HIGD1A: variants seen among roughly 807,000 people sequenced by gnomAD.
HIGD1A encodes HIG1 domain family member 1A, mitochondrial.
A neutral mutation model predicts 11.3 loss-of-function variants in HIGD1A; 8 were observed. That is an observed-to-expected ratio of 0.71 (90% confidence interval 0.42 to 1.28). The LOEUF (loss-of-function observed/expected upper bound fraction) is 1.28, where lower values mean the gene tolerates loss of function less well. HIGD1A is among the 50% of genes most tolerant of loss of function. The pLI is 0.01. For missense variants in HIGD1A, 107 were observed against 118.8 expected, an observed-to-expected ratio of 0.90 and a Z score of 0.46; for synonymous variants, 32 against 38.4, an observed-to-expected ratio of 0.83 and a Z score of 0.62.
chr3:42,804,273 C>A, intron 1 of HIGD1A, 163 bp downstream of exon 1: 1 of 1,477,396 alleles, frequency 6.8e-7, no homozygotes, highest in East Asian at 2.4e-5. Context: ...ATGCTCGAGG[C>A]CGGGCCTGAG....
chr3:42,787,008 G>A (rs1700360553), intron 2 of HIGD1A, among the ~76,000 whole-genome samples: 1 of 152,032 alleles, frequency 6.6e-6, no homozygotes. Flanking sequence ...GAGTCAAAAT[G>A]GACAGTTCAA....
At chr3:42,789,228 G>T (rs989793435) in intron 2 of HIGD1A, among the ~76,000 whole-genome samples, 4 of 151,916 alleles carry the variant, frequency 2.6e-5, no homozygotes, top group Non-Finnish European at 5.9e-5. Context: ...TTTTAGTAGA[G>T]ATGGGGTTTC....
chr3:42,794,719 G>C (rs1700473255), intron 1 of HIGD1A, among the ~76,000 whole-genome samples: 1 of 152,124 alleles, frequency 6.6e-6, no homozygotes, highest in Non-Finnish European at 1.5e-5. Flanking sequence ...GCACTTTTCG[G>C]TGTAGTTAAA....
At chr3:42,793,714 C>T (rs951373460) in intron 2 of HIGD1A, among the ~76,000 whole-genome samples, 1 of 152,184 alleles carries the variant, frequency 6.6e-6, no homozygotes, top group African/African-American at 2.4e-5. Flanking sequence ...GCAGCTCACG[C>T]CTATAATCCT....
intron 1 of HIGD1A, chr3:42,804,221 G>A (rs772604434): frequency 6.2e-6 from 10 of 1,605,826 alleles, no homozygotes; most frequent in Non-Finnish European, 7.7e-6. Context: ...CCCCTCACCC[G>A]AAGGACCCTA....
chr3:42,785,372 A>G, intron 3 of HIGD1A, 52 bp from the exon 4 acceptor site: 1 of 1,482,004 alleles, frequency 6.7e-7, no homozygotes, highest in Non-Finnish European at 9.4e-7. Context: ...TAAATATTCA[A>G]AAATAAAAAC....
chr3:42,786,439 A>C (rs1299192859), intron 2 of HIGD1A, among the ~76,000 whole-genome samples: 1 of 152,232 alleles, frequency 6.6e-6, no homozygotes, highest in Non-Finnish European at 1.5e-5. Flanking sequence ...ATTAACAGGA[A>C]CCTAGATTAT....
chr3:42,800,340 T>TAAA (rs1559678772), intron 1 of HIGD1A, among the ~76,000 whole-genome samples: 1 of 147,936 alleles, frequency 6.8e-6, no homozygotes. Flanking sequence ...TTTTAAAAAA[T>TAAA]AAAAGAAAAA....
At position 42,784,164 on chromosome 3, in the gene HIGD1A, A is replaced by C; in HGVS notation, c.*1107T>G. 1 of 152,168 alleles carries C rather than the reference A, an allele frequency of 6.6e-6. No homozygotes were observed. The highest frequency in any genetic ancestry group is 1.9e-4 in the East Asian group (1 of 5,198). 9.4% of individuals were successfully genotyped at this position (152,168 alleles called of 1,614,324 possible). The stretch of plus-strand genomic sequence containing the variant: ...AAAAATAAAACATACCATAAAGTAA[A>C]ATATTTTTAAAATCGTTGAAACAGA... On this transcript the variant is annotated 3_prime_UTR_variant, in exon 4 of 4. Transcript: ENST00000321331.
intron 2 of HIGD1A, 37 bp from the exon 3 acceptor site, chr3:42,786,199 G>GGGACC (rs763348185): frequency 6.2e-7 from 1 of 1,611,176 alleles, no homozygotes; most frequent in South Asian, 1.1e-5. Flanking sequence ...AGATGCATGA[G>GGGACC]AAGGGACCAA....
At chr3:42,796,222 G>A (rs1700496924) in intron 1 of HIGD1A, among the ~76,000 whole-genome samples, 1 of 152,140 alleles carries the variant, frequency 6.6e-6, no homozygotes, top group Non-Finnish European at 1.5e-5. Flanking sequence ...ACTGTCATCT[G>A]ACATAGAAGA....
At chr3:42,804,314 C>A (rs1232047222) in intron 1 of HIGD1A, 122 bp downstream of exon 1, 9 of 919,258 alleles carry the variant, frequency 9.8e-6, no homozygotes, top group Non-Finnish European at 1.5e-5. Context: ...CTCCCTCATT[C>A]GAGACACGGA....
At position 42,786,014 on chromosome 3, in the gene HIGD1A, C is replaced by A; in HGVS notation, c.232+14G>T. On this transcript the variant is annotated intron_variant, in intron 3 of 3. Coordinates refer to ENST00000321331, the MANE Select transcript of HIGD1A (RefSeq NM_014056.4). ...ATGAGAAACGAAAATTTGAAATTTC[C>A]TATAGGAACCTACCAACAGTCATTG... The A allele has an allele frequency of 6.2e-7, 1 of 1,611,440 alleles. No homozygotes were observed. Among genetic ancestry groups the A allele is most frequent in the Non-Finnish European group, 8.5e-7 (1 of 1,179,698 alleles).
rs374359510 is a variant in HIGD1A, at chr3:42,783,615, A to AAAAT, written c.*1652_*1655dup. On this transcript the variant is annotated 3_prime_UTR_variant, in exon 4 of 4. Coordinates refer to ENST00000321331, the MANE Select transcript of HIGD1A (RefSeq NM_014056.4). ...CAGCAACAGAGCAAGACTCTGTCTCAAAATAAACAAACAAACAAACAAACA... is the reference window on the plus strand; with the variant it reads ...CAGCAACAGAGCAAGACTCTGTCTCAAAATAAATAAACAAACAAACAAACAAACA... Among the ~76,000 whole-genome samples, 327 of 152,270 alleles carry AAAAT rather than the reference A, an allele frequency of 2.1e-3. No individual in the cohort carries two copies. The highest frequency in any genetic ancestry group is 6.8e-3 in the African/African-American group (281 of 41,536).
rs527955520 is a variant in HIGD1A, at chr3:42,783,627, C to T, written c.*1644G>A. Among the ~76,000 whole-genome samples the T allele has an allele frequency of 1.5e-3, 231 of 152,056 alleles. 1 individual carries two copies. The highest frequency in any genetic ancestry group is 0.012 in the South Asian group (58 of 4,822). On this transcript the variant is annotated 3_prime_UTR_variant, in exon 4 of 4. Coordinates refer to ENST00000321331, the MANE Select transcript of HIGD1A (RefSeq NM_014056.4). The stretch of plus-strand genomic sequence containing the variant: ...AAGACTCTGTCTCAAAATAAACAAA[C>T]AAACAAACAAACAAACAGTATAAGA...
At chr3:42,799,615 GTTTTT>G (rs57590070) in intron 1 of HIGD1A, among the ~76,000 whole-genome samples, 2 of 147,592 alleles carry the variant, frequency 1.4e-5, no homozygotes, top group African/African-American at 5.0e-5. Context: ...ACCATGCCTG[GTTTTT>G]TTTTTTTGTA....
chr3:42,792,544 A>G (rs7650269), intron 2 of HIGD1A, among the ~76,000 whole-genome samples: 149,802 of 151,904 alleles, frequency 0.99, 73,904 homozygotes, highest in Middle Eastern at 1. Flanking sequence ...CGTGGTGGCG[A>G]GCACCTGTAG....
At chr3:42,788,995 GAAT>G (rs900528530) in intron 2 of HIGD1A, among the ~76,000 whole-genome samples, 1 of 148,978 alleles carries the variant, frequency 6.7e-6, no homozygotes, top group African/African-American at 2.5e-5. Context: ...AAATGTATTA[GAAT>G]AATATTATCA....
intron 1 of HIGD1A, among the ~76,000 whole-genome samples, chr3:42,796,376 T>C (rs548176056): frequency 6.6e-6 from 1 of 152,184 alleles, no homozygotes; most frequent in South Asian, 2.1e-4. Context: ...ATACTCACTA[T>C]ATATCTGAAT....
Sources: allele counts gnomAD v4.1 joint callset (sites outside exome capture counted in the v4.1 genomes callset), GRCh38; gene constraint gnomAD v4.1.1; transcripts MANE v1.5; gene names NCBI Gene and HGNC (gene_info 2026-07-23, HGNC 2026-07-21).